TFE3: variants seen among roughly 807,000 people sequenced by gnomAD.
TFE3 encodes transcription factor binding to IGHM enhancer 3.
TFE3 carries 5 observed loss-of-function variants against 35.0 expected under a neutral mutation model. The observed-to-expected ratio is 0.14, with a 90% CI of 0.07 to 0.30. The LOEUF (loss-of-function observed/expected upper bound fraction) is 0.30. Among genes scored for constraint, TFE3 ranks in the 10% least tolerant of loss-of-function variants. TFE3 has a pLI of 1.00. For synonymous variants in TFE3, 211 were observed against 215.6 expected, an observed-to-expected ratio of 0.98 and a Z score of 0.18; for missense variants, 374 against 496.6, an observed-to-expected ratio of 0.75 and a Z score of 2.35.
intron 4 of TFE3, 39 bp downstream of exon 4, chrX:49,038,158 G>A (rs1157422364): frequency 8.3e-7 from 1 of 1,210,714 alleles, no homozygotes; most frequent in Non-Finnish European, 1.1e-6. Flanking sequence ...AAGAATTTGG[G>A]AGGGGAATGT....
intron 1 of TFE3, among the ~76,000 whole-genome samples, chrX:49,042,814 A>G (rs1448770167): frequency 8.9e-6 from 1 of 111,847 alleles, no homozygotes; most frequent in Non-Finnish European, 1.9e-5. Context: ...CTGTCTACCA[A>G]GTTCAGCTAT....
At chrX:49,035,556 G>A (rs1557074589) in intron 5 of TFE3, among the ~76,000 whole-genome samples, 1 of 102,465 alleles carries the variant, frequency 9.8e-6, no homozygotes, top group Non-Finnish European at 2.0e-5. Context: ...ACAGGCACCC[G>A]CCACCACGCC....
intron 1 of TFE3, among the ~76,000 whole-genome samples, chrX:49,042,174 G>A (rs1018079274): frequency 1.8e-5 from 2 of 111,678 alleles, no homozygotes; most frequent in African/African-American, 6.5e-5. Flanking sequence ...GGTGCAATCT[G>A]TACTCGTTCC....
Position 49,030,483 on chromosome X carries a change from T to C in TFE3, c.1403A>G (p.Glu468Gly). Residue 468 changes from glutamate (E) to glycine (G), a missense_variant, in exon 10 of 10, where the codon GAG (glutamate) becomes GGG (glycine). Around this residue, in one of 3 missense-constraint regions of TFE3, gnomAD observed 117 missense variants for 111.9 expected, o/e 1.05. Coordinates refer to ENST00000315869, the MANE Select transcript of TFE3 (RefSeq NM_006521.6). ...SLKPEQLDIE[E>G]EGRPGAATFH... ...CGTTGCTGCGCCTGGCCTGCCCTCC[T>C]CCTCAATGTCCAGCTGCTCTGGCTT... 1 of 1,211,464 alleles carries C rather than the reference T, an allele frequency of 8.3e-7. No individual in the cohort carries two copies. Among genetic ancestry groups the C allele is most frequent in the Non-Finnish European group, 1.1e-6 (1 of 895,435 alleles).
Position 49,033,534 on chromosome X carries a change from C to T in TFE3, c.1067G>A (p.Arg356His). 8.3e-7 allele frequency: 1 copy of T among 1,211,211 alleles called. No homozygotes were observed. The highest frequency in any genetic ancestry group is 1.1e-6 in the Non-Finnish European group (1 of 895,151). ...GTCGTTAATGTTGAATCGCCTGCGA[C>T]GCTCAACTTTGGAGAGGGGAGGAGA... ...QKKDNHNLIE[R>H]RRRFNINDRI... The change falls in exon 8 of 10, where the codon CGT (arginine) becomes CAT (histidine). Residue 356 changes from arginine to histidine, a missense_variant. This residue lies in a region of TFE3 where 167 missense variants were observed against 297.2 expected (regional missense o/e 0.56). Coordinates refer to ENST00000315869, the MANE Select transcript of TFE3 (RefSeq NM_006521.6).
rs1327271514 is a variant in TFE3 at position 49,033,493 on chromosome X, C to T, written c.1108G>A (p.Gly370Ser). ...TCACTGGACTTAGGGATGAGAGTGC[C>T]CAGTTCCTTGATCCTGTCGTTAATG... ...FNINDRIKEL[G>S]TLIPKSSDPE... The change falls in exon 8 of 10, where the codon GGC becomes AGC. Residue 370 changes from glycine to serine, a missense_variant. Gly to Ser is a moderately conservative substitution (Grantham distance 56). Transcript: ENST00000315869. 30 of 1,210,068 alleles carry T rather than the reference C, an allele frequency of 2.5e-5. No individual in the cohort carries two copies. Among genetic ancestry groups the T allele is most frequent in the Non-Finnish European group, 3.4e-5 (30 of 895,273 alleles).
rs782161086 is a variant in TFE3 at position 49,040,563 on chromosome X, T to C, written c.122A>G (p.Asn41Ser). The change falls in exon 2 of 10, where the codon AAC (asparagine) becomes AGC (serine). Residue 41 changes from asparagine (N) to serine (S), a missense_variant. By Grantham distance (46) the Asn-to-Ser change is conservative. Coordinates refer to ENST00000315869, the MANE Select transcript of TFE3 (RefSeq NM_006521.6). ...AATCCCGGATTCCGGAAGCAAAGAG[T>C]TCAGGCTGAGGGGGAGGTGGAGTGG... is the stretch of plus-strand genomic sequence containing the variant. ...PADSAQLLSL[N>S]SLLPESGIVA... 3.3e-6 allele frequency: 4 copies of C among 1,197,670 alleles called. No individual in the cohort carries two copies. The South Asian group carries it at 7.1e-5, about 21-fold the overall frequency.
chrX:49,031,557 A>G lies in TFE3; in HGVS notation c.1137-13T>C. 1 of 1,166,362 alleles carries G rather than the reference A, an allele frequency of 8.6e-7. No homozygotes were observed. The highest frequency in any genetic ancestry group is 1.1e-6 in the Non-Finnish European group (1 of 871,680). On this transcript the variant is annotated splice_polypyrimidine_tract_variant and intron_variant, in intron 8 of 9. Coordinates refer to ENST00000315869, the MANE Select transcript of TFE3 (RefSeq NM_006521.6). ...CCAGCGCATCTCCCTGTGGGGCCCA[A>G]GTGGGAGGCAAGCAGGAAATGCCAC...
At chrX:49,032,526 C>T in intron 8 of TFE3, among the ~76,000 whole-genome samples, 1 of 111,365 alleles carries the variant, frequency 9.0e-6, no homozygotes, top group Non-Finnish European at 1.9e-5. Flanking sequence ...GTGCCCACCA[C>T]CACGCCCCGC....
intron 5 of TFE3, among the ~76,000 whole-genome samples, chrX:49,036,115 G>T (rs782236108): frequency 9.1e-6 from 1 of 110,428 alleles, no homozygotes; most frequent in East Asian, 2.9e-4. Flanking sequence ...AGGCTGCAGT[G>T]AGCCAGGATT....
chrX:49,037,467 G>A (rs782454473), intron 5 of TFE3, among the ~76,000 whole-genome samples: 5 of 110,651 alleles, frequency 4.5e-5, no homozygotes, highest in Admixed American at 1.9e-4. Context: ...TTGGGAGGCC[G>A]AGGCAGGCAG....
chrX:49,043,065 C>T, intron 1 of TFE3, 46 bp downstream of exon 1: 4 of 1,059,878 alleles, frequency 3.8e-6, no homozygotes, highest in Non-Finnish European at 5.0e-6. Flanking sequence ...GAGATCAGGC[C>T]CCTGGGAGCC....
chrX:49,033,786 G>GA lies in TFE3; in HGVS notation c.1004-5dup. The GA allele has an allele frequency of 8.3e-7, 1 of 1,211,266 alleles. No homozygotes were observed. The highest frequency in any genetic ancestry group is 1.1e-6 in the Non-Finnish European group (1 of 895,113). ...AAAAGGGCCTTTGCCTCGGTCTCTG[G>GA]AAAAGAGTGGAGTGATCAGGGCCTC... On this transcript the variant is annotated splice_region_variant and splice_polypyrimidine_tract_variant and intron_variant, in intron 6 of 9. Coordinates refer to ENST00000315869, the MANE Select transcript of TFE3 (RefSeq NM_006521.6).
chrX:49,030,142 G>T lies in TFE3; in HGVS notation c.*16C>A, dbSNP rs1557073437. 1.1e-5 allele frequency: 13 copies of T among 1,195,924 alleles called. No individual in the cohort carries two copies. Among genetic ancestry groups the T allele is most frequent in the Non-Finnish European group, 1.4e-5 (12 of 888,597 alleles). On this transcript the variant is annotated 3_prime_UTR_variant, in exon 10 of 10. Coordinates refer to ENST00000315869, the MANE Select transcript of TFE3 (RefSeq NM_006521.6). Reference sequence around the variant, plus strand: ...TTTCCTGGGTGGGAAAGTCCCAGGGGAGGGGTGAGGCCTGATCAGGACTCC... The same window carrying T: ...TTTCCTGGGTGGGAAAGTCCCAGGGTAGGGGTGAGGCCTGATCAGGACTCC...
chrX:49,040,476 T>G lies in TFE3; in HGVS notation c.209A>C (p.Gln70Pro). The G allele has an allele frequency of 8.3e-7, 1 of 1,210,231 alleles. No homozygotes were observed. Residue 70 changes from glutamine (Q) to proline (P), a missense_variant, in exon 2 of 10, where the codon CAA (glutamine) becomes CCA (proline). Gln to Pro is a moderately conservative substitution (Grantham distance 76). Transcript: ENST00000315869. ...ATACCTTGAGCGAAGGGGTAAGGGT[T>G]GGCTTTTGAGCTCGTAGAAGCTGTC... ...DPDSFYELKS[Q>P]PLPLRSSLPI...
At chrX:49,030,738 G>C (rs1279194174) in intron 9 of TFE3, 137 bp from the exon 10 acceptor site, 1 of 518,662 alleles carries the variant, frequency 1.9e-6, no homozygotes, top group Non-Finnish European at 3.1e-6. Context: ...AAAACTTTAG[G>C]CAAGGTGCTT....
intron 5 of TFE3, among the ~76,000 whole-genome samples, chrX:49,035,644 T>G: frequency 9.4e-6 from 1 of 106,903 alleles, no homozygotes; most frequent in Non-Finnish European, 1.9e-5. Flanking sequence ...CCTGACCTTG[T>G]GATCTGCCCG....
At chrX:49,043,033 G>T in intron 1 of TFE3, 78 bp downstream of exon 1, 1 of 903,581 alleles carries the variant, frequency 1.1e-6, no homozygotes, top group Non-Finnish European at 1.5e-6. Flanking sequence ...TCCAATCCCA[G>T]TCCGGGGCCC....
chrX:49,043,328 T>G lies in TFE3; in HGVS notation c.-102A>C. ...CTCCCCCCAGCTCGCCACCGCCGCC[T>G]CCTCCGCTAAGCCATGGAGCTAGCA... On this transcript the variant is annotated 5_prime_UTR_variant, in exon 1 of 10. Coordinates refer to ENST00000315869, the MANE Select transcript of TFE3 (RefSeq NM_006521.6). 1.6e-6 allele frequency: 1 copy of G among 607,780 alleles called. No individual in the cohort carries two copies. The highest frequency in any genetic ancestry group is 2.4e-6 in the Non-Finnish European group (1 of 418,995). The allele number at this position is 607,780 out of a possible 1,213,427, so 50.1% of individuals were successfully genotyped here.
Sources: gnomAD v4.1 joint callset for allele counts (sites outside exome capture counted in the v4.1 genomes callset) on GRCh38, gnomAD v4.1.1 for gene constraint, gnomAD v4.1.1 regional missense constraint, MANE v1.5 for transcripts, NCBI Gene and HGNC (gene_info 2026-07-23, HGNC 2026-07-21) for gene names.